The following ANO6 variants were observed in gnomAD, a reference collection of about 807,000 sequenced individuals.
ANO6 encodes the protein anoctamin 6.
ANO6 carries 106 observed loss-of-function variants against 117.5 expected under a neutral mutation model. The observed-to-expected ratio is 0.90, with a 90% CI of 0.77 to 1.06. The LOEUF (loss-of-function observed/expected upper bound fraction) is 1.06. Ranked by LOEUF, ANO6 falls within the 50% of genes least tolerant of loss-of-function variation. ANO6 has a pLI of 0.00. For synonymous variants in ANO6, 367 were observed against 385.1 expected (o/e 0.95, Z 0.55); for missense variants, 955 against 1,121.1 (o/e 0.85, Z 2.12).
intron 1 of ANO6, among the ~76,000 whole-genome samples, chr12:45,299,100 A>G (rs918274787): frequency 6.6e-6 from 1 of 152,230 alleles, no homozygotes; most frequent in Non-Finnish European, 1.5e-5. Context: ...TTAATACTAT[A>G]AAAAGATTAG....
chr12:45,388,514 G>A (rs1268397441), intron 11 of ANO6, among the ~76,000 whole-genome samples: 1 of 152,134 alleles, frequency 6.6e-6, no homozygotes, highest in African/African-American at 2.4e-5. Flanking sequence ...CAGCCAAAGT[G>A]AAGAAGCACT....
Position 45,413,143 on chromosome 12 carries a change from T to C in ANO6, c.2012-3556T>C, listed in dbSNP as rs199516226. Among the ~76,000 whole-genome samples, 15 of 152,336 alleles carry C rather than the reference T, an allele frequency of 9.8e-5. No homozygotes were observed. The East Asian group carries it at 2.5e-3, about 25-fold the overall frequency. On this transcript the variant is annotated intron_variant, in intron 16 of 19. Coordinates refer to ENST00000320560, the MANE Select transcript of ANO6 (RefSeq NM_001025356.3). ...AAACAAGATAACTGCATAACATTTA[T>C]GTGGAATAAGATCAATCACGCAGCA...
intron 9 of ANO6, among the ~76,000 whole-genome samples, chr12:45,368,849 C>T (rs1185736369): frequency 1.3e-5 from 2 of 152,142 alleles, no homozygotes; most frequent in Non-Finnish European, 2.9e-5. Context: ...AGTTCTTATA[C>T]TTACCACTTT....
intron 2 of ANO6, among the ~76,000 whole-genome samples, chr12:45,305,556 G>A (rs1939641203): frequency 6.6e-6 from 1 of 152,188 alleles, no homozygotes; most frequent in South Asian, 2.1e-4. Context: ...TGTGAATGGT[G>A]ACTATCATTT....
At chr12:45,331,152 G>A in intron 2 of ANO6, 143 bp from the exon 3 acceptor site, 1 of 678,196 alleles carries the variant, frequency 1.5e-6, no homozygotes, top group South Asian at 2.0e-5. Context: ...CAGTCATAGT[G>A]GCCATGACTG....
Position 45,403,249 on chromosome 12 carries a change from T to C in ANO6, c.1782+8T>C. 1 of 1,612,602 alleles carries C rather than the reference T, an allele frequency of 6.2e-7. No homozygotes were observed. Among genetic ancestry groups the C allele is most frequent in the Non-Finnish European group, 8.5e-7 (1 of 1,179,014 alleles). ...AAATACAGAAATGAAGAGGTATGAATATATAATTGTATTATCTTGCCAGTT... is the reference window on the plus strand; with the variant it reads ...AAATACAGAAATGAAGAGGTATGAACATATAATTGTATTATCTTGCCAGTT... On this transcript the variant is annotated splice_region_variant and intron_variant, in intron 14 of 19. Coordinates refer to ENST00000320560, the MANE Select transcript of ANO6 (RefSeq NM_001025356.3).
intron 3 of ANO6, among the ~76,000 whole-genome samples, chr12:45,345,395 C>T (rs1941102787): frequency 6.6e-6 from 1 of 152,146 alleles, no homozygotes; most frequent in Admixed American, 6.6e-5. Context: ...AACTCATCCC[C>T]ACTCTGTCCC....
intron 9 of ANO6, among the ~76,000 whole-genome samples, chr12:45,368,757 T>G (rs747637390): frequency 4.2e-4 from 64 of 152,228 alleles, no homozygotes; most frequent in Non-Finnish European, 8.5e-4. Flanking sequence ...CCTAGAACAT[T>G]GTAGCCTACT....
intron 10 of ANO6, among the ~76,000 whole-genome samples, chr12:45,384,288 A>G (rs192340290): frequency 6.6e-6 from 1 of 152,204 alleles, no homozygotes; most frequent in African/African-American, 2.4e-5. Flanking sequence ...CAGATCATTA[A>G]AACTTTCTCC....
At position 45,324,330 on chromosome 12, in the gene ANO6, G is replaced by A. The variant is rs573583734; in HGVS notation, c.151-6965G>A. Among the ~76,000 whole-genome samples the A allele has an allele frequency of 8.5e-5, 13 of 152,254 alleles. No individual in the cohort carries two copies. The South Asian group carries it at 2.7e-3, about 32-fold the overall frequency. ...CACACCACAAAGAACAGCCATTCTT[G>A]TAAACTGCTTTTTGAGTTAAAGGAA... On this transcript the variant is annotated intron_variant, in intron 2 of 19. Transcript: ENST00000320560.
intron 15 of ANO6, among the ~76,000 whole-genome samples, chr12:45,406,352 A>T (rs1007407186): frequency 6.6e-6 from 1 of 152,224 alleles, no homozygotes; most frequent in African/African-American, 2.4e-5. Flanking sequence ...TTGATATTTA[A>T]GGTATTCCTG....
chr12:45,217,228 A>T (rs1173384505), intron 1 of ANO6, among the ~76,000 whole-genome samples: 3 of 152,134 alleles, frequency 2.0e-5, no homozygotes, highest in African/African-American at 7.2e-5. Flanking sequence ...TAAAGAGAAC[A>T]CTGTCGGGGG....
At chr12:45,296,297 C>A (rs531591300) in intron 1 of ANO6, among the ~76,000 whole-genome samples, 1 of 152,238 alleles carries the variant, frequency 6.6e-6, no homozygotes, top group African/African-American at 2.4e-5. Context: ...ATGGGCCATT[C>A]CTTTGACATT....
chr12:45,311,121 A>G (rs1388417468), intron 2 of ANO6, among the ~76,000 whole-genome samples: 1 of 152,072 alleles, frequency 6.6e-6, no homozygotes, highest in Non-Finnish European at 1.5e-5. Context: ...ATTTAAATAC[A>G]AAATGAAGAA....
chr12:45,232,791 G>GTTCC (rs1947592594), intron 1 of ANO6, among the ~76,000 whole-genome samples: 1 of 152,150 alleles, frequency 6.6e-6, no homozygotes, highest in East Asian at 1.9e-4. Context: ...TGGGTTGGAA[G>GTTCC]GCAACAAAAC....
intron 1 of ANO6, among the ~76,000 whole-genome samples, chr12:45,277,398 C>T (rs1592907823): frequency 6.6e-6 from 1 of 152,138 alleles, no homozygotes; most frequent in East Asian, 1.9e-4. Context: ...TGCATGGAAT[C>T]CTGTCAAATT....
At chr12:45,322,369 C>T (rs1940309007) in intron 2 of ANO6, among the ~76,000 whole-genome samples, 1 of 151,926 alleles carries the variant, frequency 6.6e-6, no homozygotes, top group African/African-American at 2.4e-5. Flanking sequence ...GAGGAAGGAC[C>T]ATGACATAGT....
intron 7 of ANO6, among the ~76,000 whole-genome samples, chr12:45,352,585 C>T (rs1941307942): frequency 7.3e-6 from 1 of 137,702 alleles, no homozygotes; most frequent in African/African-American, 2.7e-5. Flanking sequence ...AAAAAAAAGC[C>T]AGGCACGATG....
At chr12:45,408,329 T>C (rs952706089) in intron 15 of ANO6, among the ~76,000 whole-genome samples, 1 of 152,190 alleles carries the variant, frequency 6.6e-6, no homozygotes, top group Admixed American at 6.5e-5. Context: ...AACCACAAGC[T>C]GGCAGTTGCT....
Sources: allele counts gnomAD v4.1 joint callset (sites outside exome capture counted in the v4.1 genomes callset), GRCh38; gene constraint gnomAD v4.1.1; transcripts MANE v1.5; gene names NCBI Gene and HGNC (gene_info 2026-07-23, HGNC 2026-07-21).